Variants in SPRY3 observed in about 807,000 individuals in gnomAD.
SPRY3 encodes sprouty RTK signaling antagonist 3, also known as protein sprouty homolog 3.
In SPRY3, 15 loss-of-function variants were observed where a neutral mutation model predicts 20.2. That is an observed-to-expected ratio of 0.74 (90% CI 0.50 to 1.14). SPRY3 has a LOEUF of 1.14. SPRY3 is among the 50% of genes most tolerant of loss of function. The pLI, the probability that SPRY3 is intolerant of heterozygous loss-of-function variation, is 0.00. For missense variants in SPRY3, 364 were observed against 363.9 expected (o/e 1.00, Z 0.00); for synonymous variants, 143 against 136.5 (o/e 1.05, Z -0.33).
chrX:155,734,751 T>G (rs1181845660), intron 2 of SPRY3, among the ~76,000 whole-genome samples: 1 of 152,066 alleles, frequency 6.6e-6, no homozygotes, highest in Non-Finnish European at 1.5e-5. Flanking sequence ...TCTTTTTTTC[T>G]TGGTTAGCCT....
chrX:155,722,297 G>A lies in SPRY3; in HGVS notation c.-281-45665G>A, dbSNP rs1421633036. Among the ~76,000 whole-genome samples, 8 of 152,190 alleles carry A rather than the reference G, an allele frequency of 5.3e-5. No homozygotes were observed. In the South Asian group the frequency reaches 1.0e-3, roughly 20 times the overall value. ...CAGCACTTTGGGAGGTTGAAGCGGC[G>A]GATCACTTGAGGTCAGGGGTTCGAA... is the stretch of plus-strand genomic sequence containing the variant. On this transcript the variant is annotated intron_variant, in intron 2 of 3. Coordinates refer to ENST00000675360, the Ensembl canonical transcript of SPRY3.
chrX:155,733,049 A>G (rs1319961404), intron 2 of SPRY3, among the ~76,000 whole-genome samples: 2 of 152,014 alleles, frequency 1.3e-5, no homozygotes, highest in Admixed American at 6.6e-5. Flanking sequence ...GTTAATGGGT[A>G]CAAAACAGTA....
At chrX:155,617,151 T>C (rs1206744419) in intron 1 of SPRY3, among the ~76,000 whole-genome samples, 1 of 106,526 alleles carries the variant, frequency 9.4e-6, no homozygotes, top group African/African-American at 3.4e-5. Flanking sequence ...GAAATGCTTC[T>C]TGCCCATTTC....
chrX:155,769,121 C>T (rs1459724609), intron 3 of SPRY3, among the ~76,000 whole-genome samples: 2 of 152,198 alleles, frequency 1.3e-5, no homozygotes, highest in Admixed American at 1.3e-4. Flanking sequence ...TCTTGCTCTC[C>T]TTGCCTCTAA....
chrX:155,613,519 A>C (rs2067838978), intron 1 of SPRY3, among the ~76,000 whole-genome samples: 1 of 112,255 alleles, frequency 8.9e-6, no homozygotes, highest in Non-Finnish European at 1.9e-5. Flanking sequence ...AAAAAAAATC[A>C]AATGCATATA....
chrX:155,755,542 A>C (rs1569396440), intron 2 of SPRY3, among the ~76,000 whole-genome samples: 2 of 152,178 alleles, frequency 1.3e-5, no homozygotes, highest in East Asian at 3.9e-4. Context: ...CTATTCTAAA[A>C]TGTGGGTTAT....
intron 2 of SPRY3, among the ~76,000 whole-genome samples, chrX:155,725,394 T>C (rs1379146645): frequency 6.6e-6 from 1 of 152,206 alleles, no homozygotes; most frequent in Non-Finnish European, 1.5e-5. Context: ...GAAGGAATGG[T>C]ACCAGCTCCT....
At chrX:155,706,865 C>A in intron 2 of SPRY3, among the ~76,000 whole-genome samples, 1 of 150,938 alleles carries the variant, frequency 6.6e-6, no homozygotes, top group African/African-American at 2.4e-5. Context: ...AAAAGAACAC[C>A]GTAGGCCCAT....
chrX:155,646,838 G>A (rs915706929), intron 1 of SPRY3, among the ~76,000 whole-genome samples: 2 of 111,111 alleles, frequency 1.8e-5, no homozygotes, highest in African/African-American at 3.3e-5. Flanking sequence ...TTGGATACAA[G>A]TGGTGGGAGT....
chrX:155,632,243 A>G (rs1427828945), intron 1 of SPRY3, among the ~76,000 whole-genome samples: 1 of 110,097 alleles, frequency 9.1e-6, no homozygotes, highest in Non-Finnish European at 1.9e-5. Flanking sequence ...ACACACACAC[A>G]CACGCACACA....
intron 2 of SPRY3, among the ~76,000 whole-genome samples, chrX:155,721,426 G>T (rs1296448604): frequency 6.6e-6 from 1 of 152,060 alleles, no homozygotes; most frequent in Non-Finnish European, 1.5e-5. Context: ...CCTAGAGAAA[G>T]ATATCAATAT....
At chrX:155,617,720 T>G (rs185578100) in intron 1 of SPRY3, among the ~76,000 whole-genome samples, 25 of 111,911 alleles carry the variant, frequency 2.2e-4, no homozygotes, top group African/African-American at 7.5e-4. Context: ...GTTATAGAAC[T>G]TCTTGGTTTC....
chrX:155,781,728 G>T (rs2091464303), downstream of SPRY3: 1 of 167,026 alleles, frequency 6.0e-6, no homozygotes, highest in Non-Finnish European at 1.5e-5. Flanking sequence ...CTATACAAAT[G>T]CAAGGGAATT....
chrX:155,711,807 A>T (rs2090988843), intron 2 of SPRY3, among the ~76,000 whole-genome samples: 1 of 146,748 alleles, frequency 6.8e-6, no homozygotes, highest in Non-Finnish European at 1.5e-5. Flanking sequence ...TGTTTTTTTG[A>T]AGCTTTTCTT....
chrX:155,733,529 G>C (rs1192464024), intron 2 of SPRY3, among the ~76,000 whole-genome samples: 4 of 151,704 alleles, frequency 2.6e-5, no homozygotes, highest in Non-Finnish European at 5.9e-5. Flanking sequence ...CATTTCTAGA[G>C]CATAGGCAGA....
chrX:155,681,792 A>G (rs1034078916), intron 2 of SPRY3, among the ~76,000 whole-genome samples: 10 of 112,306 alleles, frequency 8.9e-5, no homozygotes, highest in African/African-American at 2.3e-4. Context: ...GTTCAATTCA[A>G]TGAAGGCCGA....
At chrX:155,752,852 G>T (rs1391421360) in intron 2 of SPRY3, among the ~76,000 whole-genome samples, 1 of 151,810 alleles carries the variant, frequency 6.6e-6, no homozygotes, top group Non-Finnish European at 1.5e-5. Context: ...TTCAAAACAT[G>T]TATTTGTCCC....
At chrX:155,659,113 T>TTCTTTCTC (rs2068001445) in intron 2 of SPRY3, among the ~76,000 whole-genome samples, 1 of 89,100 alleles carries the variant, frequency 1.1e-5, no homozygotes, top group Non-Finnish European at 2.1e-5. Flanking sequence ...TCTTCTTTCT[T>TTCTTTCTC]TCTTTCTTTC....
At chrX:155,767,564 G>T (rs1230058576) in intron 2 of SPRY3, among the ~76,000 whole-genome samples, 1 of 150,696 alleles carries the variant, frequency 6.6e-6, no homozygotes. Context: ...AGAGGAGGGG[G>T]AGGAGGTAAA....
Sources: gnomAD v4.1 joint callset for allele counts (sites outside exome capture counted in the v4.1 genomes callset) on GRCh38, gnomAD v4.1.1 for gene constraint, MANE v1.5 for transcripts, NCBI Gene and HGNC (gene_info 2026-07-23, HGNC 2026-07-21) for gene names.